The following ATAD2B variants were observed in gnomAD, a reference collection of about 807,000 sequenced individuals.
ATAD2B encodes ATPase family AAA domain-containing protein 2B.
In ATAD2B, 40 loss-of-function variants were observed where a neutral mutation model predicts 167.6. That is an observed-to-expected ratio of 0.24 (90% confidence interval 0.19 to 0.31). The LOEUF is 0.31. ATAD2B is among the 10% of genes least tolerant of loss of function. The pLI, the probability that ATAD2B is intolerant of heterozygous loss-of-function variation, is 1.00. For missense variants in ATAD2B, 1,242 were observed against 1,757.2 expected, an observed-to-expected ratio of 0.71 and a Z score of 5.24; for synonymous variants, 579 against 596.5, an observed-to-expected ratio of 0.97 and a Z score of 0.43.
the ATAD2B span, among the ~76,000 whole-genome samples, chr2:23,702,165 T>C: frequency 6.6e-6 from 1 of 152,052 alleles, no homozygotes; most frequent in Non-Finnish European, 1.5e-5. Context: ...AGCCATTCCA[T>C]ACTATGGGAG....
intron 19 of ATAD2B, among the ~76,000 whole-genome samples, chr2:23,795,941 T>C (rs911306690): frequency 6.6e-6 from 1 of 151,124 alleles, no homozygotes; most frequent in African/African-American, 2.4e-5. Context: ...TGAAATTAAA[T>C]TGTAAGGCTT....
rs549985460 is a variant in ATAD2B, at chr2:23,892,473, CT to C, written c.368+3345del. Among the ~76,000 whole-genome samples, 790 of 132,154 alleles carry C rather than the reference CT, an allele frequency of 6.0e-3. 2 individuals are homozygous for C. Among genetic ancestry groups the C allele is most frequent in the Middle Eastern group, 0.022 (5 of 228 alleles). 86.7% of individuals were successfully genotyped at this position (132,154 alleles called of 152,430 possible). On this transcript the variant is annotated intron_variant, in intron 2 of 27. Coordinates refer to ENST00000238789, the MANE Select transcript of ATAD2B (RefSeq NM_017552.4). The stretch of plus-strand genomic sequence containing the variant: ...GCCACTGCGCCCGGTTTTTTCTTTT[CT>C]TTTTTTTTTTTTTTTAAGACAGAGT...
intron 21 of ATAD2B, among the ~76,000 whole-genome samples, chr2:23,785,544 G>T (rs1396337005): frequency 6.6e-6 from 1 of 152,024 alleles, no homozygotes; most frequent in Non-Finnish European, 1.5e-5. Context: ...AGTTGCACGG[G>T]ATATGTTTTA....
At chr2:23,718,464 G>A in the ATAD2B span, among the ~76,000 whole-genome samples, 22 of 152,248 alleles carry the variant, frequency 1.4e-4, no homozygotes, top group South Asian at 4.1e-3. Context: ...TGGAGAAAGC[G>A]GTCCTTCCAA....
At chr2:23,916,273 C>T (rs1703031677) in intron 1 of ATAD2B, among the ~76,000 whole-genome samples, 1 of 152,286 alleles carries the variant, frequency 6.6e-6, no homozygotes, top group East Asian at 1.9e-4. Context: ...TTCATCTTCA[C>T]CACTTTTAGA....
rs531479004 is a variant in ATAD2B at position 23,861,041 on chromosome 2, G to T, written c.1479+2340C>A. Among the ~76,000 whole-genome samples the T allele has an allele frequency of 8.4e-4, 128 of 151,944 alleles. 4 individuals are homozygous for T. In the South Asian group the frequency reaches 0.026, roughly 31 times the overall value. ...TGGGGAAAAAAAGTTAAAAGAACTG[G>T]AATTATGGCCCAGTGCAGTGGCTCA... On this transcript the variant is annotated intron_variant, in intron 12 of 27. Transcript: ENST00000238789.
the ATAD2B span, among the ~76,000 whole-genome samples, chr2:23,734,996 T>C: frequency 6.6e-6 from 1 of 152,238 alleles, no homozygotes; most frequent in East Asian, 1.9e-4. Flanking sequence ...TACTATATCT[T>C]GTTGAAAGGA....
chr2:23,786,622 C>T lies in ATAD2B; in HGVS notation c.2777-399G>A, dbSNP rs148560385. ...TGAGGCCACCATCGTATATGCAGTC[C>T]ATCGTTGACCAAAACGTCATTATGC... On this transcript the variant is annotated intron_variant, in intron 20 of 27. Transcript: ENST00000238789. Among the ~76,000 whole-genome samples the T allele has an allele frequency of 1.2e-4, 19 of 152,150 alleles. No homozygotes were observed. In the East Asian group the frequency reaches 3.3e-3, roughly 26 times the overall value.
chr2:23,704,293 G>C, the ATAD2B span, among the ~76,000 whole-genome samples: 1 of 152,336 alleles, frequency 6.6e-6, no homozygotes, highest in East Asian at 1.9e-4. Flanking sequence ...TTTGGGAGCT[G>C]TGCTCAGAGT....
At chr2:23,678,449 G>C in the ATAD2B span, among the ~76,000 whole-genome samples, 1 of 152,192 alleles carries the variant, frequency 6.6e-6, no homozygotes, top group Non-Finnish European at 1.5e-5. Flanking sequence ...TCATAGGAAT[G>C]AGCCTGGGCT....
At chr2:23,766,280 A>G (rs1677400454) in intron 22 of ATAD2B, among the ~76,000 whole-genome samples, 1 of 152,208 alleles carries the variant, frequency 6.6e-6, no homozygotes, top group Non-Finnish European at 1.5e-5. Context: ...GTTCCCATTC[A>G]TAAACAATAC....
chr2:23,738,866 A>G, the ATAD2B span, among the ~76,000 whole-genome samples: 1 of 152,176 alleles, frequency 6.6e-6, no homozygotes, highest in Admixed American at 6.5e-5. Context: ...TCTACCAAGC[A>G]AATGGAAAAC....
At chr2:23,681,517 T>C in the ATAD2B span, among the ~76,000 whole-genome samples, 8 of 152,108 alleles carry the variant, frequency 5.3e-5, no homozygotes, top group Non-Finnish European at 2.9e-5. The surrounding 1 kb of genome is among the most constrained non-coding windows in gnomAD (Gnocchi z 4.2). Context: ...AGAGTAGGCA[T>C]TTGTGTGCTG....
chr2:23,797,890 A>G (rs538837726), intron 19 of ATAD2B, among the ~76,000 whole-genome samples: 23 of 152,270 alleles, frequency 1.5e-4, no homozygotes, highest in African/African-American at 2.9e-4. Context: ...CTGTATATAT[A>G]TAATTCAGGT....
Position 23,853,342 on chromosome 2 carries a change from G to A in ATAD2B, c.1568+4073C>T, listed in dbSNP as rs144844725. ...AAAACCGTAAGGAAACCACAAAATA[G>A]CTAATAGAACTAACAAATGAATTTA... On this transcript the variant is annotated intron_variant, in intron 13 of 27. Coordinates refer to ENST00000238789, the MANE Select transcript of ATAD2B (RefSeq NM_017552.4). 3.8e-3 allele frequency among the ~76,000 whole-genome samples: 586 copies of A among 152,280 alleles called. 3 individuals carry two copies. Among genetic ancestry groups the A allele is most frequent in the African/African-American group, 0.014 (565 of 41,564 alleles).
intron 19 of ATAD2B, 61 bp from the exon 20 acceptor site, chr2:23,788,708 A>T: frequency 7.5e-7 from 1 of 1,334,184 alleles, no homozygotes; most frequent in Non-Finnish European, 1.0e-6. Context: ...CTTACATATC[A>T]TACCAAATTG....
chr2:23,916,028 T>G (rs1245876832), intron 1 of ATAD2B, among the ~76,000 whole-genome samples: 1 of 152,200 alleles, frequency 6.6e-6, no homozygotes, highest in African/African-American at 2.4e-5. Flanking sequence ...ACAAACTAAT[T>G]ACATTAATAA....
chr2:23,786,549 T>C (rs765905674), intron 20 of ATAD2B, among the ~76,000 whole-genome samples: 1 of 152,094 alleles, frequency 6.6e-6, no homozygotes, highest in Non-Finnish European at 1.5e-5. Flanking sequence ...CGTATTTCTG[T>C]ATCTGAACAT....
rs951968252 is a variant in ATAD2B at position 23,888,361 on chromosome 2, T to C, written c.407A>G (p.His136Arg). ...AATAGAATACTCACATAAGCCACTA[T>C]GTCCATTTGGTAATGTAGCACCAGG... ...SQPGATLPNG[H>R]SGLSLRSHPL... The change falls in exon 3 of 28, where the codon CAT becomes CGT. Residue 136 changes from histidine to arginine, a missense_variant. Around this residue, in one of 9 missense-constraint regions of ATAD2B, gnomAD observed 199 missense variants for 194.9 expected, o/e 1.02. Coordinates refer to ENST00000238789, the MANE Select transcript of ATAD2B (RefSeq NM_017552.4). The C allele has an allele frequency of 6.3e-7, 1 of 1,591,168 alleles. No homozygotes were observed. Among genetic ancestry groups the C allele is most frequent in the Non-Finnish European group, 8.6e-7 (1 of 1,169,148 alleles).
Sources: gnomAD v4.1 joint callset for allele counts (sites outside exome capture counted in the v4.1 genomes callset) on GRCh38, gnomAD v4.1.1 for gene constraint, gnomAD v4.1.1 regional missense constraint, Gnocchi (gnomAD v3.1) non-coding constraint, MANE v1.5 for transcripts, NCBI Gene and HGNC (gene_info 2026-07-23, HGNC 2026-07-21) for gene names.